Variants in OPLAH observed in about 807,000 individuals in gnomAD.
The protein encoded by OPLAH is 5-oxoprolinase, ATP-hydrolysing.
In OPLAH, 103 loss-of-function variants were observed where a neutral mutation model predicts 122.8. The ratio of observed to expected loss-of-function variants is 0.84; its 90% CI spans 0.71 to 0.99. The LOEUF is 0.99. Among genes scored for constraint, OPLAH ranks in the 50% least tolerant of loss-of-function variants. OPLAH has a pLI of 0.00. For synonymous variants in OPLAH, 875 were observed against 796.0 expected (o/e 1.10, Z -1.67); for missense variants, 1,902 against 1,836.5 (o/e 1.04, Z -0.65).
rs1176951322 is a variant in OPLAH at position 144,060,000 on chromosome 8, G to A, written c.33C>T (p.Ala11=). The A allele has an allele frequency of 7.4e-6, 12 of 1,612,678 alleles. No individual in the cohort carries two copies. Among genetic ancestry groups the A allele is most frequent in the Non-Finnish European group, 1.0e-5 (12 of 1,179,804 alleles). ...CTGTGAAGGTACCCCCACGGTCGAT[G>A]GCAAAGTGGAAGCGGCCCTCGGGGC... MGSPEGRFHF[A]IDRGGTFTDV... Residue 11 remains alanine, a synonymous_variant, in exon 2 of 27, where the codon GCC becomes GCT. Transcript: ENST00000618853.
At chr8:144,059,157 G>A (rs781885180) in intron 3 of OPLAH, 78 bp from the exon 4 acceptor site, 42 of 1,162,414 alleles carry the variant, frequency 3.6e-5, no homozygotes, top group Non-Finnish European at 4.5e-5. Context: ...GGTGGTACAG[G>A]TGAGTGGCTG....
In OPLAH at chr8:144,059,730, G is replaced by A. The variant is rs374435478; in HGVS notation, c.232C>T (p.Arg78Cys). 8.1e-5 allele frequency: 131 copies of A among 1,610,916 alleles called. No homozygotes were observed. Among genetic ancestry groups the A allele is most frequent in the Non-Finnish European group, 9.8e-5 (116 of 1,179,710 alleles). ...PLDSSHIASI[R>C]MGTTVATNAL... The stretch of plus-strand genomic sequence containing the variant: ...TTGGTGGCCACTGTGGTGCCCATGC[G>A]GATGCTGGCGATATGACTGGAGTCC... Residue 78 changes from arginine (R) to cysteine (C), a missense_variant, in exon 3 of 27, where the codon CGC becomes TGC. By Grantham distance (180) the Arg-to-Cys change is radical. Coordinates refer to ENST00000618853, the MANE Select transcript of OPLAH (RefSeq NM_017570.5).
chr8:144,060,222 C>G (rs1554760630), intron 1 of OPLAH, 137 bp from the exon 2 acceptor site: 2 of 665,522 alleles, frequency 3.0e-6, no homozygotes, highest in Non-Finnish European at 5.0e-6. Context: ...AGGCCCAGCT[C>G]CGAGGGCAGC....
chr8:144,058,588 G>A lies in OPLAH; in HGVS notation c.691C>T (p.Arg231Trp), dbSNP rs1554760070. The change falls in exon 6 of 27, where the codon CGG becomes TGG. Residue 231 changes from arginine to tryptophan, a missense_variant. Around this residue, in one of 3 missense-constraint regions of OPLAH, gnomAD observed 1,726 missense variants for 1,642.1 expected, o/e 1.05. Transcript: ENST00000618853. ...GCGTCGGCACAGGCCGTGTGCCCCC[G>A]AGGGACGATGCGCACCATGGGCATG... ...EAMPMVRIVP[R>W]GHTACADAYL... is the part of the protein sequence containing the mutation. 16 of 1,602,744 alleles carry A rather than the reference G, an allele frequency of 1.0e-5. No homozygotes were observed. The highest frequency in any genetic ancestry group is 1.6e-4 in the Middle Eastern group (1 of 6,080).
At position 144,055,170 on chromosome 8, in the gene OPLAH, C is replaced by T; in HGVS notation, c.2268G>A (p.Leu756=). ...MSIAEQMGRI[L]QRTAISTNIK... ...TGTTGGTGGAGATGGCTGTGCGCTGCAGGATGCGGCCCATCTGCTCTAGGA... is the reference window on the plus strand; with the variant it reads ...TGTTGGTGGAGATGGCTGTGCGCTGTAGGATGCGGCCCATCTGCTCTAGGA... Residue 756 remains leucine (L), a synonymous_variant, in exon 17 of 27, where the codon CTG becomes CTA. Transcript: ENST00000618853. The surrounding 1 kb of genome is among the most constrained non-coding windows in gnomAD (Gnocchi z 6.5). The T allele has an allele frequency of 6.4e-7, 1 of 1,550,834 alleles. No individual in the cohort carries two copies. Among genetic ancestry groups the T allele is most frequent in the South Asian group, 1.2e-5 (1 of 80,440 alleles).
intron 1 of OPLAH, 56 bp from the exon 2 acceptor site, chr8:144,060,141 C>T: frequency 1.6e-6 from 2 of 1,240,282 alleles, no homozygotes; most frequent in South Asian, 1.5e-5. Flanking sequence ...AGAGGCTCCC[C>T]AGCCCTGCGC....
chr8:144,059,515 C>T (rs1587567846), intron 3 of OPLAH, 84 bp downstream of exon 3: 3 of 1,408,004 alleles, frequency 2.1e-6, no homozygotes, highest in East Asian at 2.3e-5. Context: ...ATCACTAATC[C>T]AACAACTGCT....
rs1332771916 is a variant in OPLAH at position 144,056,968 on chromosome 8, C to A, written c.1686G>T (p.Leu562=). The A allele has an allele frequency of 6.3e-7, 1 of 1,583,310 alleles. No homozygotes were observed. Among genetic ancestry groups the A allele is most frequent in the Non-Finnish European group, 8.6e-7 (1 of 1,167,296 alleles). The change falls in exon 12 of 27, where the codon CTG becomes CTT. Residue 562 remains leucine (L), a synonymous_variant. Transcript: ENST00000618853. ...CCCACCTGGGGAAGCCCTGGGCCTG[C>A]AGAGCATCCACACACTGCTCCTCCA... ...SRLEEQCVDA[L]QAQGFPRSQI... is the part of the protein sequence containing the mutation.
downstream of OPLAH, chr8:144,050,909 G>A: frequency 9.9e-7 from 1 of 1,009,176 alleles, no homozygotes; most frequent in Non-Finnish European, 1.2e-6. Context: ...GCGCGGAGGG[G>A]CCCTGGCCTT....
intron 14 of OPLAH, 48 bp downstream of exon 14, chr8:144,056,337 C>T (rs1554759059): frequency 6.3e-7 from 1 of 1,594,872 alleles, no homozygotes; most frequent in Non-Finnish European, 8.6e-7. Flanking sequence ...GGTCCCCATC[C>T]CGGTGCCCCA....
chr8:144,058,157 G>A lies in OPLAH; in HGVS notation c.950-9C>T. On this transcript the variant is annotated splice_polypyrimidine_tract_variant and intron_variant, in intron 7 of 26. Transcript: ENST00000618853. Reference sequence around the variant, plus strand: ...CACATCCGTGGACGTGCCTGGCAGGGGTGGGGTGCTGGTGGGTCACTTGAA... The same window carrying A: ...CACATCCGTGGACGTGCCTGGCAGGAGTGGGGTGCTGGTGGGTCACTTGAA... 2.5e-6 allele frequency: 4 copies of A among 1,612,078 alleles called. No homozygotes were observed. Among genetic ancestry groups the A allele is most frequent in the South Asian group, 1.1e-5 (1 of 91,036 alleles).
chr8:144,057,964 A>T lies in OPLAH; in HGVS notation c.1089-41T>A, dbSNP rs200288131. On this transcript the variant is annotated intron_variant, in intron 8 of 26. Coordinates refer to ENST00000618853, the MANE Select transcript of OPLAH (RefSeq NM_017570.5). ...GCTGGGGTTGGAGTTGGACACGAGG[A>T]GGGAGACAGGGCTGGGGTCCCAGCC... 395 of 1,611,850 alleles carry T rather than the reference A, an allele frequency of 2.5e-4. 2 individuals are homozygous for T. In the Middle Eastern group the frequency reaches 4.5e-3, roughly 18 times the overall value.
At chr8:144,062,112 G>A (rs563955436), upstream of OPLAH, among the ~76,000 whole-genome samples, 3 of 151,826 alleles carry the variant, frequency 2.0e-5, no homozygotes, top group East Asian at 1.9e-4. Flanking sequence ...CTTAATAAAC[G>A]TGCTTTCACT....
upstream of OPLAH, among the ~76,000 whole-genome samples, chr8:144,062,703 C>T (rs535509993): frequency 1.4e-5 from 2 of 144,558 alleles, no homozygotes; most frequent in Non-Finnish European, 1.5e-5. Context: ...CGCACTCAGG[C>T]TGCCCGCCAG....
chr8:144,057,159 A>G (rs536176594), intron 11 of OPLAH, 41 bp from the exon 12 acceptor site: 1 of 1,597,158 alleles, frequency 6.3e-7, no homozygotes, highest in African/African-American at 1.3e-5. Context: ...GTCACCTCCC[A>G]AGCCCGGCGC....
intron 17 of OPLAH, 56 bp from the exon 18 acceptor site, chr8:144,054,969 G>GT (rs1835474015): frequency 5.1e-6 from 6 of 1,179,796 alleles, no homozygotes; most frequent in Non-Finnish European, 5.7e-6. Flanking sequence ...CCAGAGCGGG[G>GT]TGGGGGGGGG....
In OPLAH at chr8:144,051,428, GT is replaced by G; in HGVS notation, c.3764del (p.Asp1255AlafsTer43). ...CCGGCGGTGGGGCGGGGTCCTCCGG[GT>G]CCCCATAGCCACCGCCGCCGGGCGT... ...LHTPGGGGYGDPEDPAPPPGS... is the reference protein window; with the variant it reads ...LHTPGGGGYGXPEDPAPPPGS... On this transcript the variant is annotated frameshift_variant, in exon 27 of 27. Coordinates refer to ENST00000618853, the MANE Select transcript of OPLAH (RefSeq NM_017570.5). LOFTEE classifies it high-confidence loss of function. The G allele has an allele frequency of 6.4e-7, 1 of 1,567,534 alleles. No individual in the cohort carries two copies.
chr8:144,053,030 C>G lies in OPLAH; in HGVS notation c.2971G>C (p.Asp991His), dbSNP rs782708100. ...PLEVSSEDHM[D>H]DGSPIRLRVQ... ...CGGAGGCGGATGGGGGAACCGTCGT[C>G]CATGTGGTCTTCCGAGGACACCTCC... is the stretch of plus-strand genomic sequence containing the variant. Residue 991 changes from aspartate (D) to histidine (H), a missense_variant, in exon 21 of 27, where the codon GAC becomes CAC. Asp to His is a moderately conservative substitution (Grantham distance 81). Around this residue, in one of 3 missense-constraint regions of OPLAH, gnomAD observed 1,726 missense variants for 1,642.1 expected, o/e 1.05. Transcript: ENST00000618853. 4.4e-6 allele frequency: 7 copies of G among 1,603,684 alleles called. No homozygotes were observed. In the African/African-American group the frequency reaches 9.4e-5, roughly 21 times the overall value.
rs782025974 is a variant in OPLAH at position 144,051,368 on chromosome 8, G to A, written c.3825C>T (p.His1275=). 5.0e-6 allele frequency: 8 copies of A among 1,609,796 alleles called. No homozygotes were observed. The Middle Eastern group carries it at 8.3e-4, about 167-fold the overall frequency. The change falls in exon 27 of 27, where the codon CAC becomes CAT. Residue 1275 remains histidine (H), a synonymous_variant. Transcript: ENST00000618853. The part of the protein sequence containing the change: ...SPPQALAFPE[H]GSVYEYRRAQ... ...CCCGGCGATACTCATAGACGCTGCCGTGCTCGGGAAAGGCCAGTGCTTGCG... is the reference window on the plus strand; with the variant it reads ...CCCGGCGATACTCATAGACGCTGCCATGCTCGGGAAAGGCCAGTGCTTGCG...
Sources: gnomAD v4.1 joint callset for allele counts (sites outside exome capture counted in the v4.1 genomes callset) on GRCh38, gnomAD v4.1.1 for gene constraint, gnomAD v4.1.1 regional missense constraint, Gnocchi (gnomAD v3.1) non-coding constraint, MANE v1.5 for transcripts, NCBI Gene and HGNC (gene_info 2026-07-23, HGNC 2026-07-21) for gene names.